The following PIK3R3 variants were observed in gnomAD, a reference collection of about 807,000 sequenced individuals.
The protein encoded by PIK3R3 is phosphatidylinositol 3-kinase regulatory subunit gamma.
Under a neutral mutation model 62.9 loss-of-function variants are expected in PIK3R3, and 64 were observed. The observed-to-expected ratio is 1.02, with a 90% CI of 0.83 to 1.25. The LOEUF (loss-of-function observed/expected upper bound fraction) is 1.25. Ranked by LOEUF, PIK3R3 falls within the 50% of genes most tolerant of loss-of-function variation. The pLI is 0.00. For synonymous variants in PIK3R3, 165 were observed against 189.0 expected (o/e 0.87, Z 1.04); for missense variants, 614 against 561.6 (o/e 1.09, Z -0.94).
chr1:46,132,808 A>G, upstream of PIK3R3: 1 of 1,236,162 alleles, frequency 8.1e-7, no homozygotes, highest in Non-Finnish European at 1.0e-6. Flanking sequence ...GTGCCTGAGA[A>G]CATGTTCAAA....
intron 1 of PIK3R3, among the ~76,000 whole-genome samples, chr1:46,113,723 T>C (rs572332572): frequency 1.3e-5 from 2 of 152,366 alleles, no homozygotes; most frequent in Admixed American, 6.5e-5. Context: ...TATTCTTCTA[T>C]TGCTATACTT....
chr1:46,170,442 C>T, the PIK3R3 span, among the ~76,000 whole-genome samples: 2 of 152,022 alleles, frequency 1.3e-5, no homozygotes, highest in African/African-American at 4.8e-5. Context: ...TGTTTTGAGA[C>T]AAAGTCTAGC....
the PIK3R3 span, among the ~76,000 whole-genome samples, chr1:46,173,785 C>T: frequency 6.6e-6 from 1 of 152,136 alleles, no homozygotes; most frequent in Admixed American, 6.5e-5. Flanking sequence ...GCTTAGCACC[C>T]CCATCATACA....
intron 3 of PIK3R3, among the ~76,000 whole-genome samples, chr1:46,075,578 T>C (rs143743136): frequency 6.6e-6 from 1 of 151,630 alleles, no homozygotes; most frequent in Non-Finnish European, 1.5e-5. Flanking sequence ...GCCATGACCA[T>C]GCCACTGCAC....
At chr1:46,146,091 G>T in the PIK3R3 span, among the ~76,000 whole-genome samples, 1 of 152,204 alleles carries the variant, frequency 6.6e-6, no homozygotes, top group Non-Finnish European at 1.5e-5. Flanking sequence ...GTCTAACGGG[G>T]CTGCTTATAC....
chr1:46,077,958 A>G (rs182656007), intron 2 of PIK3R3, among the ~76,000 whole-genome samples: 1 of 152,332 alleles, frequency 6.6e-6, no homozygotes, highest in Admixed American at 6.5e-5. Context: ...GTGGCTGTTT[A>G]GAAAGAAGGT....
intron 1 of PIK3R3, chr1:46,131,630 C>T (rs1162414770): frequency 3.1e-6 from 1 of 320,572 alleles, no homozygotes. Flanking sequence ...CCACTTCCAG[C>T]CCCCACCCCC....
chr1:46,095,280 G>A (rs561701011), intron 1 of PIK3R3, among the ~76,000 whole-genome samples: 3 of 152,250 alleles, frequency 2.0e-5, no homozygotes, highest in South Asian at 2.1e-4. Context: ...TATATATACA[G>A]CATGGAATAC....
At chr1:46,160,555 T>C in the PIK3R3 span, among the ~76,000 whole-genome samples, 1 of 152,218 alleles carries the variant, frequency 6.6e-6, no homozygotes, top group Non-Finnish European at 1.5e-5. Flanking sequence ...ATGTGTCTTC[T>C]CCATTTCTTG....
chr1:46,105,906 T>C (rs1396954913), intron 1 of PIK3R3, among the ~76,000 whole-genome samples: 2 of 152,164 alleles, frequency 1.3e-5, no homozygotes. Context: ...GTAAAAGCAC[T>C]GTGTACCCAT....
chr1:46,095,509 G>A (rs1003599654), intron 1 of PIK3R3, among the ~76,000 whole-genome samples: 5 of 152,158 alleles, frequency 3.3e-5, no homozygotes, highest in Non-Finnish European at 7.3e-5. Flanking sequence ...CCTGTCGCGG[G>A]GTGGTAGGGG....
chr1:46,093,162 GT>G (rs879343554), intron 1 of PIK3R3, among the ~76,000 whole-genome samples: 3 of 152,174 alleles, frequency 2.0e-5, no homozygotes, highest in Admixed American at 2.0e-4. Context: ...TATTATTCTT[GT>G]GTTAGGAAAA....
At chr1:46,142,386 G>C in the PIK3R3 span, among the ~76,000 whole-genome samples, 1 of 152,182 alleles carries the variant, frequency 6.6e-6, no homozygotes, top group Admixed American at 6.5e-5. Flanking sequence ...AGAGCACATC[G>C]CTCTTTGAGG....
intron 2 of PIK3R3, among the ~76,000 whole-genome samples, chr1:46,079,712 G>C (rs560313947): frequency 1.3e-5 from 2 of 152,110 alleles, no homozygotes; most frequent in African/African-American, 4.8e-5. Flanking sequence ...CCAGCACTTT[G>C]GGAGGCCAAG....
chr1:46,089,852 G>C (rs1651447903), intron 1 of PIK3R3, among the ~76,000 whole-genome samples: 1 of 152,076 alleles, frequency 6.6e-6, no homozygotes, highest in Non-Finnish European at 1.5e-5. Context: ...CTGGAAAAAT[G>C]CATAGAAGGA....
At chr1:46,122,733 T>TA in intron 1 of PIK3R3, among the ~76,000 whole-genome samples, 2 of 152,312 alleles carry the variant, frequency 1.3e-5, no homozygotes, top group South Asian at 4.1e-4. Context: ...ATCTTGCTAA[T>TA]AACATTAAGT....
rs756800675 is a variant in PIK3R3, at chr1:46,067,057, G to A, written c.349C>T (p.His117Tyr). The A allele has an allele frequency of 1.9e-6, 3 of 1,592,916 alleles. No homozygotes were observed. Among genetic ancestry groups the A allele is most frequent in the Admixed American group, 1.8e-5 (1 of 56,210 alleles). Reference protein sequence around the residue: ...GGNNKLIKIYHRDGKYGFSDP... With the variant: ...GGNNKLIKIYYRDGKYGFSDP... ...GAAAAGCCATATTTACCATCCCGGTGATAGATCTTTATTAACTTATTATTG... is the reference window on the plus strand; with the variant it reads ...GAAAAGCCATATTTACCATCCCGGTAATAGATCTTTATTAACTTATTATTG... Residue 117 changes from histidine to tyrosine, a missense_variant, in exon 4 of 10, where the codon CAC becomes TAC. By Grantham distance (83) the His-to-Tyr change is moderately conservative (BLOSUM62 2). Coordinates refer to ENST00000262741, the MANE Select transcript of PIK3R3 (RefSeq NM_003629.4).
intron 6 of PIK3R3, among the ~76,000 whole-genome samples, chr1:46,058,228 T>C (rs2149387390): frequency 6.6e-6 from 1 of 152,320 alleles, no homozygotes; most frequent in Admixed American, 6.5e-5. Context: ...TCCACCTAGA[T>C]TTCAGACGTA....
At chr1:46,054,047 G>A (rs1647632569) in intron 7 of PIK3R3, among the ~76,000 whole-genome samples, 1 of 152,118 alleles carries the variant, frequency 6.6e-6, no homozygotes, top group Non-Finnish European at 1.5e-5. Flanking sequence ...TCTTGAGAGA[G>A]CTGGTATTAA....
Sources: gnomAD v4.1 joint callset for allele counts (sites outside exome capture counted in the v4.1 genomes callset) on GRCh38, gnomAD v4.1.1 for gene constraint, MANE v1.5 for transcripts, NCBI Gene and HGNC (gene_info 2026-07-23, HGNC 2026-07-21) for gene names.